WDPCP: variants seen among roughly 807,000 people sequenced by gnomAD.
The protein encoded by WDPCP is WD repeat containing planar cell polarity effector, also known as WD repeat-containing and planar cell polarity effector protein fritz homolog.
A neutral mutation model predicts 93.1 loss-of-function variants in WDPCP; 71 were observed. That is an observed-to-expected ratio of 0.76 (90% CI 0.63 to 0.93). The LOEUF (loss-of-function observed/expected upper bound fraction) is 0.93, where lower values mean the gene tolerates loss of function less well. Ranked by LOEUF, WDPCP falls within the 40% of genes least tolerant of loss-of-function variation. The probability of loss-of-function intolerance (pLI) is 0.00; values close to 1 mark genes in which losing one functional copy is unlikely to be tolerated. For missense variants in WDPCP, 844 were observed against 887.4 expected, an observed-to-expected ratio of 0.95 and a Z score of 0.62; for synonymous variants, 315 against 315.0, an observed-to-expected ratio of 1.00 and a Z score of 0.00.
intron 2 of WDPCP, among the ~76,000 whole-genome samples, chr2:63,805,190 T>C (rs775079894): frequency 1.1e-4 from 17 of 152,140 alleles, no homozygotes; most frequent in Non-Finnish European, 2.1e-4. Flanking sequence ...AATCAAGAAG[T>C]AGATGTACTT....
chr2:63,644,384 C>T (rs1186876326), intron 3 of WDPCP, among the ~76,000 whole-genome samples: 1 of 151,742 alleles, frequency 6.6e-6, no homozygotes, highest in Non-Finnish European at 1.5e-5. Context: ...GCTGGGATTA[C>T]AGGCACCTGC....
intron 14 of WDPCP, among the ~76,000 whole-genome samples, chr2:63,206,060 T>C (rs1448129875): frequency 6.6e-6 from 1 of 152,236 alleles, no homozygotes; most frequent in Non-Finnish European, 1.5e-5. Context: ...AAATGCTTTT[T>C]TGGCATCAAA....
chr2:63,282,504 CATAA>C (rs1286471220), intron 13 of WDPCP, among the ~76,000 whole-genome samples: 2 of 152,056 alleles, frequency 1.3e-5, no homozygotes, highest in African/African-American at 2.4e-5. Flanking sequence ...GACTCTGTCT[CATAA>C]ATAAATAAAC....
rs546636068 is a variant in WDPCP at position 63,625,144 on chromosome 2, A to T, written n.488+25515T>A. Among the ~76,000 whole-genome samples the T allele has an allele frequency of 7.9e-5, 12 of 152,236 alleles. No homozygotes were observed. In the South Asian group the frequency reaches 2.3e-3, roughly 29 times the overall value. On this transcript the variant is annotated intron_variant and non_coding_transcript_variant, in intron 3 of 4. Transcript: ENST00000467687. ...AATGCAACACCCCTTCATGCAAAAA[A>T]CTCTCAATAATCTAGGTATTGATGG...
intron 6 of WDPCP, among the ~76,000 whole-genome samples, chr2:63,474,015 T>C (rs1699830726): frequency 6.6e-6 from 1 of 152,128 alleles, no homozygotes; most frequent in South Asian, 2.1e-4. Context: ...AATGGAGACA[T>C]AATAGCTATC....
intron 2 of WDPCP, among the ~76,000 whole-genome samples, chr2:63,776,679 G>GATATA (rs1246414448): frequency 1.7e-5 from 2 of 119,438 alleles, no homozygotes; most frequent in African/African-American, 2.9e-5. Flanking sequence ...AAAAAAAAAA[G>GATATA]ATATAAAGAT....
intron 2 of WDPCP, among the ~76,000 whole-genome samples, chr2:63,760,129 C>T (rs1019625299): frequency 2.6e-5 from 4 of 152,146 alleles, no homozygotes; most frequent in African/African-American, 9.7e-5. Flanking sequence ...CATTGTCTTA[C>T]CAGACTTCAC....
At chr2:63,250,741 T>C (rs1333209808) in intron 14 of WDPCP, among the ~76,000 whole-genome samples, 1 of 152,224 alleles carries the variant, frequency 6.6e-6, no homozygotes, top group Non-Finnish European at 1.5e-5. Flanking sequence ...GAACATTTCA[T>C]GTACACCAGA....
At chr2:63,293,167 C>T (rs1684573709) in intron 13 of WDPCP, among the ~76,000 whole-genome samples, 1 of 152,116 alleles carries the variant, frequency 6.6e-6, no homozygotes. Flanking sequence ...CTCTCATTAC[C>T]CCCTTCATTT....
chr2:63,545,354 A>AGAGAGAGAGAGGAGG (rs1705070881), intron 1 of WDPCP, among the ~76,000 whole-genome samples: 1 of 151,052 alleles, frequency 6.6e-6, no homozygotes, highest in Admixed American at 6.6e-5. Flanking sequence ...AGAGAGAGAC[A>AGAGAGAGAGAGGAGG]GAGAGAGAGA....
At chr2:63,779,612 G>T (rs1285150208) in intron 2 of WDPCP, among the ~76,000 whole-genome samples, 2 of 152,134 alleles carry the variant, frequency 1.3e-5, no homozygotes, top group African/African-American at 4.8e-5. Context: ...CCCTTCTGAG[G>T]ATAAATCACC....
chr2:63,335,252 GACCC>G (rs1289190015), intron 12 of WDPCP, among the ~76,000 whole-genome samples: 1 of 151,918 alleles, frequency 6.6e-6, no homozygotes, highest in Non-Finnish European at 1.5e-5. Context: ...GAAGTCCCCA[GACCC>G]TCTTTGGAAA....
chr2:63,630,384 A>G lies in WDPCP; in HGVS notation n.488+20275T>C, dbSNP rs1338868924. ...GATGACCTAACTACATACAGTCTAC[A>G]AGAAACTTACTTCAAATATAATGAT... On this transcript the variant is annotated intron_variant and non_coding_transcript_variant, in intron 3 of 4. Coordinates refer to the WDPCP transcript ENST00000467687. Among the ~76,000 whole-genome samples, 56 of 152,232 alleles carry G rather than the reference A, an allele frequency of 3.7e-4. 3 individuals carry two copies. The highest frequency in any genetic ancestry group is 3.6e-3 in the Admixed American group (55 of 15,288).
intron 12 of WDPCP, among the ~76,000 whole-genome samples, chr2:63,313,886 A>ATGTGTGTGTATATATATATATATATTTT: frequency 8.1e-5 from 6 of 74,472 alleles, no homozygotes; most frequent in African/African-American, 2.6e-4. Context: ...ATATATATAT[A>ATGTGTGTGTATATATATATATATATTTT]TTTTTTTTTT....
At chr2:63,374,874 C>T (rs1038939207) in intron 12 of WDPCP, among the ~76,000 whole-genome samples, 8 of 152,010 alleles carry the variant, frequency 5.3e-5, no homozygotes, top group African/African-American at 1.7e-4. Flanking sequence ...TTTGTTGTTA[C>T]ATTACAAAGG....
rs538883738 is a variant in WDPCP at position 63,663,386 on chromosome 2, A to T, written n.309-12548T>A. On this transcript the variant is annotated intron_variant and non_coding_transcript_variant, in intron 2 of 4. Transcript: ENST00000467687. Reference sequence around the variant, plus strand: ...CTTTATAAAACCAGTTGCATAATGTACTCCTTCTCTATCTTAGGACTAGAT... The same window carrying T: ...CTTTATAAAACCAGTTGCATAATGTTCTCCTTCTCTATCTTAGGACTAGAT... 9.8e-5 allele frequency among the ~76,000 whole-genome samples: 15 copies of T among 152,298 alleles called. 1 individual carries two copies. In the South Asian group the frequency reaches 2.9e-3, roughly 29 times the overall value.
At chr2:63,661,812 G>A (rs941982797) in intron 2 of WDPCP, among the ~76,000 whole-genome samples, 12 of 152,160 alleles carry the variant, frequency 7.9e-5, no homozygotes, top group African/African-American at 2.7e-4. Context: ...CCATCACCAA[G>A]GCTATCTTAA....
chr2:63,834,203 C>T, the WDPCP span, among the ~76,000 whole-genome samples: 8 of 152,288 alleles, frequency 5.3e-5, no homozygotes, highest in African/African-American at 1.2e-4. Context: ...AACAGCTGAA[C>T]GTCTCTCAGT....
chr2:63,521,368 C>A (rs1019813812), intron 1 of WDPCP, among the ~76,000 whole-genome samples: 3 of 152,074 alleles, frequency 2.0e-5, no homozygotes, highest in Non-Finnish European at 4.4e-5. Context: ...GAAAAATCTA[C>A]CAAACAAATG....
Sources: allele counts gnomAD v4.1 joint callset (sites outside exome capture counted in the v4.1 genomes callset), GRCh38; gene constraint gnomAD v4.1.1; transcripts MANE v1.5; gene names NCBI Gene and HGNC (gene_info 2026-07-23, HGNC 2026-07-21).